The following DYDC2 variants were observed in gnomAD, a reference collection of about 807,000 sequenced individuals.
DYDC2 encodes the protein DPY30 domain-containing protein 2.
In DYDC2, 19 loss-of-function variants were observed where a neutral mutation model predicts 18.7. The observed-to-expected ratio is 1.02, with a 90% CI of 0.71 to 1.49. The LOEUF (loss-of-function observed/expected upper bound fraction) is 1.49. DYDC2 is among the 40% of genes most tolerant of loss of function. The pLI is 0.00. For missense variants in DYDC2, 179 were observed against 205.1 expected, an observed-to-expected ratio of 0.87 and a Z score of 0.78; for synonymous variants, 63 against 67.6, an observed-to-expected ratio of 0.93 and a Z score of 0.34.
chr10:80,346,444 C>CCTT (rs1842630105), intron 1 of DYDC2, among the ~76,000 whole-genome samples: 1 of 83,360 alleles, frequency 1.2e-5, no homozygotes, highest in African/African-American at 5.0e-5. Context: ...TCTTCCCTTT[C>CCTT]TTTTTTTTTT....
chr10:80,362,892 C>T (rs1843707167), intron 3 of DYDC2, 59 bp from the exon 4 acceptor site: 7 of 1,576,450 alleles, frequency 4.4e-6, no homozygotes, highest in African/African-American at 1.4e-5. Context: ...AGTGAGGGGG[C>T]CCCGTTTATA....
chr10:80,357,772 A>C, intron 1 of DYDC2, 121 bp from the exon 2 acceptor site: 1 of 985,226 alleles, frequency 1.0e-6, no homozygotes, highest in Non-Finnish European at 1.2e-6. Context: ...GCCAGGCAAG[A>C]GAGGCCTTAA....
At chr10:80,360,812 T>G (rs1843644961) in intron 2 of DYDC2, among the ~76,000 whole-genome samples, 1 of 150,884 alleles carries the variant, frequency 6.6e-6, no homozygotes, top group Non-Finnish European at 1.5e-5. Flanking sequence ...CAGGTTGGAG[T>G]GCAGTGGTGA....
chr10:80,347,962 T>C (rs1231197728), intron 1 of DYDC2, among the ~76,000 whole-genome samples: 2 of 152,230 alleles, frequency 1.3e-5, no homozygotes, highest in African/African-American at 4.8e-5. Context: ...ATACAAATTT[T>C]AGAATTGGGT....
intron 1 of DYDC2, among the ~76,000 whole-genome samples, chr10:80,349,451 A>G (rs939140847): frequency 1.3e-5 from 2 of 152,218 alleles, no homozygotes; most frequent in African/African-American, 2.4e-5. Context: ...CCTGTAAAGC[A>G]TAAAATGTCT....
chr10:80,362,143 G>C (rs1380788032), intron 2 of DYDC2, among the ~76,000 whole-genome samples: 1 of 152,188 alleles, frequency 6.6e-6, no homozygotes, highest in Non-Finnish European at 1.5e-5. Flanking sequence ...TCCAGAAAAT[G>C]TTAAGGCTAG....
intron 4 of DYDC2, among the ~76,000 whole-genome samples, chr10:80,364,446 T>C (rs1038206550): frequency 6.6e-6 from 1 of 152,116 alleles, no homozygotes; most frequent in African/African-American, 2.4e-5. Flanking sequence ...TTAATAGAAA[T>C]AGAAATATAT....
Position 80,362,512 on chromosome 10 carries a change from G to A in DYDC2, c.69G>A (p.Lys23=). ...CCCAGGCACTGGCAGAGGTGGCGAA[G>A]GTTCGGCCCAGTGACCCAATAGAAT... ...CLAQALAEVA[K]VRPSDPIEYL... Residue 23 remains lysine (K), a synonymous_variant, in exon 3 of 5, where the codon AAG becomes AAA. Coordinates refer to ENST00000256039, the MANE Select transcript of DYDC2 (RefSeq NM_032372.6). The A allele has an allele frequency of 6.2e-7, 1 of 1,614,142 alleles. No individual in the cohort carries two copies. The highest frequency in any genetic ancestry group is 1.1e-5 in the South Asian group (1 of 91,070).
At chr10:80,346,465 T>TTTTTTTTTTTTTTTTTTTG (rs1842640523) in intron 1 of DYDC2, among the ~76,000 whole-genome samples, 1 of 132,598 alleles carries the variant, frequency 7.5e-6, no homozygotes, top group African/African-American at 3.0e-5. Context: ...TTTTTTTTTT[T>TTTTTTTTTTTTTTTTTTTG]TTTTTTCTTT....
intron 1 of DYDC2, among the ~76,000 whole-genome samples, chr10:80,357,104 A>AGGAGT (rs1187264595): frequency 5.8e-5 from 8 of 137,810 alleles, no homozygotes; most frequent in Admixed American, 5.7e-4. Context: ...GGGGGCGTTC[A>AGGAGT]GGAGTCGGGC....
upstream of DYDC2, chr10:80,356,118 A>T: frequency 4.7e-6 from 2 of 423,484 alleles, no homozygotes; most frequent in Non-Finnish European, 6.3e-6. Flanking sequence ...AGGTCAGGGG[A>T]GGCTCTGTCT....
At chr10:80,349,314 A>G (rs1182314223) in intron 1 of DYDC2, among the ~76,000 whole-genome samples, 2 of 152,218 alleles carry the variant, frequency 1.3e-5, no homozygotes, top group African/African-American at 4.8e-5. Context: ...TCTAATAAAA[A>G]ATTTATATTC....
At chr10:80,350,332 AC>A (rs1842913574) in intron 1 of DYDC2, among the ~76,000 whole-genome samples, 1 of 152,156 alleles carries the variant, frequency 6.6e-6, no homozygotes, top group Non-Finnish European at 1.5e-5. Context: ...TCTCCCACTT[AC>A]GATGTAATTG....
intron 4 of DYDC2, among the ~76,000 whole-genome samples, chr10:80,364,520 T>G (rs1843766305): frequency 6.6e-6 from 1 of 152,248 alleles, no homozygotes; most frequent in Non-Finnish European, 1.5e-5. Flanking sequence ...GGTAGCTTTA[T>G]TAAGGAAAAT....
chr10:80,355,861 C>A (rs1843333749), upstream of DYDC2, among the ~76,000 whole-genome samples: 1 of 151,956 alleles, frequency 6.6e-6, no homozygotes, highest in Admixed American at 6.6e-5. Context: ...GTGTCTCAAC[C>A]ATACAGAGAA....
rs41284080 is a variant in DYDC2, at chr10:80,367,269, G to A, written c.*318G>A. 4,568 of 207,664 alleles carry A rather than the reference G, an allele frequency of 0.022. 68 individuals carry two copies. Among genetic ancestry groups the A allele is most frequent in the Middle Eastern group, 0.034 (19 of 554 alleles). 12.9% of individuals were successfully genotyped at this position (207,664 alleles called of 1,614,324 possible). A position where few individuals can be genotyped will look rare whatever the true frequency, so the allele number is the denominator to read the frequency against. ...AACACCCGGCCATGGGGGCTACAAA[G>A]TCCAGCCGAGTCAAAGGAAAGAGAA... is the stretch of plus-strand genomic sequence containing the variant. On this transcript the variant is annotated 3_prime_UTR_variant, in exon 5 of 5. Transcript: ENST00000256039.
chr10:80,356,724 G>A, upstream of DYDC2: 2 of 985,248 alleles, frequency 2.0e-6, no homozygotes, highest in Non-Finnish European at 2.4e-6. Flanking sequence ...CTACACACGC[G>A]CCTGCTCGCC....
chr10:80,352,127 T>G, upstream of DYDC2: 5 of 850,580 alleles, frequency 5.9e-6, no homozygotes, highest in Non-Finnish European at 9.2e-6. Context: ...CCCATCCCTG[T>G]GGAAATGATA....
Position 80,367,230 on chromosome 10 carries a change from G to T in DYDC2, c.*279G>T. The T allele has an allele frequency of 6.4e-6, 2 of 313,466 alleles. No individual in the cohort carries two copies. Among genetic ancestry groups the T allele is most frequent in the South Asian group, 5.6e-5 (1 of 17,958 alleles). The allele number at this position is 313,466 out of a possible 1,614,324, so 19.4% of individuals were successfully genotyped here. A position where few individuals can be genotyped will look rare whatever the true frequency, so the allele number is the denominator to read the frequency against. On this transcript the variant is annotated 3_prime_UTR_variant, in exon 5 of 5. Transcript: ENST00000256039. ...CTACACAATGAAAACACATCTGTTG[G>T]GGTGATCAGACCCAACACCCGGCCA...
Sources: gnomAD v4.1 joint callset for allele counts (sites outside exome capture counted in the v4.1 genomes callset) on GRCh38, gnomAD v4.1.1 for gene constraint, MANE v1.5 for transcripts, NCBI Gene and HGNC (gene_info 2026-07-23, HGNC 2026-07-21) for gene names.